PPOX: variants seen among roughly 807,000 people sequenced by gnomAD.
PPOX encodes the protein variegate porphyria.
In PPOX, 23 loss-of-function variants were observed where a neutral mutation model predicts 54.1. The observed-to-expected ratio is 0.43, with a 90% CI of 0.31 to 0.60. The LOEUF (loss-of-function observed/expected upper bound fraction) is 0.60. PPOX is among the 20% of genes least tolerant of loss of function. PPOX has a pLI of 0.13. For missense variants in PPOX, 512 were observed against 601.1 expected, an observed-to-expected ratio of 0.85 and a Z score of 1.55; for synonymous variants, 224 against 236.1, an observed-to-expected ratio of 0.95 and a Z score of 0.47.
At chr1:161,174,957 G>A (rs1198636891), downstream of PPOX, 1 of 1,598,996 alleles carries the variant, frequency 6.3e-7, no homozygotes, top group African/African-American at 1.3e-5. Flanking sequence ...TTCCTTAGAA[G>A]AAAGTCAGTC....
Position 161,170,952 on chromosome 1 carries a change from A to T in PPOX, c.1291+3A>T. 2 of 1,614,074 alleles carry T rather than the reference A, an allele frequency of 1.2e-6. No homozygotes were observed. Among genetic ancestry groups the T allele is most frequent in the Non-Finnish European group, 1.7e-6 (2 of 1,180,034 alleles). ...ACTAGGTCACTGGCAAAAACTAGGT[A>T]AGTTGGGAAAACAGCTGGGCTGAGG... On this transcript the variant is annotated splice_donor_region_variant and intron_variant, in intron 12 of 12. Transcript: ENST00000367999.
chr1:161,168,527 A>C lies in PPOX; in HGVS notation c.567A>C (p.Gln189His), dbSNP rs780092492. The C allele has an allele frequency of 1.4e-5, 22 of 1,613,984 alleles. No individual in the cohort carries two copies. The East Asian group carries it at 4.2e-4, about 31-fold the overall frequency. ...GGTCCTGCTTTCCCAGTCTCTTCCA[A>C]GCTGAGCAAACCCATCGTTCCATAT... ...SIRSCFPSLF[Q>H]AEQTHRSILL... Residue 189 changes from glutamine (Q) to histidine (H), a missense_variant, in exon 6 of 13, where the codon CAA becomes CAC. By Grantham distance (24) the Gln-to-His change is conservative. Coordinates refer to ENST00000367999, the MANE Select transcript of PPOX (RefSeq NM_001122764.3).
At chr1:161,169,760 A>C in intron 8 of PPOX, 40 bp downstream of exon 8, 2 of 1,613,632 alleles carry the variant, frequency 1.2e-6, no homozygotes, top group Non-Finnish European at 1.7e-6. Flanking sequence ...AACCCCTACC[A>C]GTGAGAAGCA....
At chr1:161,166,070 G>A, upstream of PPOX, 4 of 984,448 alleles carry the variant, frequency 4.1e-6, no homozygotes, top group Non-Finnish European at 4.8e-6. Flanking sequence ...AGCTGTTTAT[G>A]GAGCCGCCTC....
downstream of PPOX, chr1:161,177,483 C>A: frequency 5.8e-6 from 1 of 171,492 alleles, no homozygotes; most frequent in Non-Finnish European, 1.3e-5. Context: ...TCGCTGCCGC[C>A]ATCTTGGAAG....
downstream of PPOX, among the ~76,000 whole-genome samples, chr1:161,172,837 G>A (rs1277019484): frequency 1.3e-5 from 2 of 150,990 alleles, no homozygotes; most frequent in South Asian, 2.1e-4. Flanking sequence ...AGACCAGCCT[G>A]GGAAAATAAT....
At chr1:161,170,320 G>GGGGGGCCCCCC in intron 9 of PPOX, 89 bp from the exon 10 acceptor site, 2 of 494,790 alleles carry the variant, frequency 4.0e-6, no homozygotes. Flanking sequence ...GTGAGACTCT[G>GGGGGGCCCCCC]TCCCCCCCAC....
chr1:161,170,483 T>C lies in PPOX; in HGVS notation c.1062T>C (p.Pro354=), dbSNP rs771215757. Residue 354 remains proline (P), a synonymous_variant, in exon 10 of 13, where the codon CCT becomes CCC. Transcript: ENST00000367999. The part of the protein sequence containing the change: ...LGIVYDSVAF[P]EQDGSPPGLR... ...TCGTGTATGACTCAGTTGCTTTCCC[T>C]GAGCAGGACGGGAGCCCCCCTGGCC... The C allele has an allele frequency of 3.7e-6, 6 of 1,614,264 alleles. No individual in the cohort carries two copies. The highest frequency in any genetic ancestry group is 3.4e-6 in the Non-Finnish European group (4 of 1,180,052).
At chr1:161,174,896 A>T, downstream of PPOX, 1 of 1,342,662 alleles carries the variant, frequency 7.4e-7, no homozygotes, top group Non-Finnish European at 1.1e-6. Context: ...CCTTCTTAAA[A>T]TTATTCTAGG....
Position 161,171,109 on chromosome 1 carries a change from T to C in PPOX, c.1367T>C (p.Val456Ala). Residue 456 changes from valine to alanine, a missense_variant, in exon 13 of 13, where the codon GTT (valine) becomes GCT (alanine). Val to Ala is a moderately conservative substitution (Grantham distance 64). Coordinates refer to ENST00000367999, the MANE Select transcript of PPOX (RefSeq NM_001122764.3). The part of the protein sequence containing the change: ...LAGASYEGVA[V>A]NDCIESGRQA... ...GGAGCCTCCTATGAGGGAGTTGCTG[T>C]TAATGACTGTATAGAGAGTGGGCGC... 1.9e-6 allele frequency: 3 copies of C among 1,614,086 alleles called. No homozygotes were observed. The highest frequency in any genetic ancestry group is 2.5e-6 in the Non-Finnish European group (3 of 1,180,040).
chr1:161,168,425 C>T lies in PPOX; in HGVS notation c.472-7C>T, dbSNP rs1437436227. On this transcript the variant is annotated splice_region_variant and splice_polypyrimidine_tract_variant and intron_variant, in intron 5 of 12. Coordinates refer to ENST00000367999, the MANE Select transcript of PPOX (RefSeq NM_001122764.3). ...TTTCGCTCCTTAGTCCTAGTCTCAC[C>T]CTTAAGGTGGCGTCTCTAGCCATGG... The T allele has an allele frequency of 1.2e-6, 2 of 1,614,096 alleles. No homozygotes were observed. Among genetic ancestry groups the T allele is most frequent in the East Asian group, 2.2e-5 (1 of 44,882 alleles).
upstream of PPOX, among the ~76,000 whole-genome samples, chr1:161,165,914 G>A (rs1192677000): frequency 3.3e-5 from 5 of 152,112 alleles, no homozygotes; most frequent in Admixed American, 1.3e-4. Context: ...GAGGAAAAGA[G>A]GAAAGGCATA....
At chr1:161,172,959 C>G (rs1469577080), downstream of PPOX, among the ~76,000 whole-genome samples, 1 of 151,906 alleles carries the variant, frequency 6.6e-6, no homozygotes, top group Non-Finnish European at 1.5e-5. Context: ...TTCTGACACA[C>G]AGAAGCATGG....
chr1:161,177,149 G>A (rs1435394315), downstream of PPOX: 7 of 1,424,586 alleles, frequency 4.9e-6, no homozygotes, highest in Non-Finnish European at 2.8e-6. Flanking sequence ...GAGACAGTCA[G>A]GGGTGGCTGG....
chr1:161,171,776 T>C (rs374151902), downstream of PPOX: 32 of 1,607,832 alleles, frequency 2.0e-5, no homozygotes, highest in Admixed American at 8.4e-5. Context: ...TACAACCCCA[T>C]GAATTCGGTT....
downstream of PPOX, chr1:161,172,076 C>T: frequency 6.2e-7 from 1 of 1,614,094 alleles, no homozygotes; most frequent in Non-Finnish European, 8.5e-7. Flanking sequence ...TGGGTACGGA[C>T]CAGGAGGTCA....
chr1:161,169,294 T>C, intron 7 of PPOX, 111 bp downstream of exon 7: 1 of 1,312,132 alleles, frequency 7.6e-7, no homozygotes, highest in South Asian at 1.2e-5. Context: ...TTTTGTGCCT[T>C]AGAAGCTACT....
At position 161,171,116 on chromosome 1, in the gene PPOX, CTG is replaced by C; in HGVS notation, c.1376_1377del (p.Cys459TyrfsTer17). 1 of 1,613,984 alleles carries C rather than the reference CTG, an allele frequency of 6.2e-7. No homozygotes were observed. Among genetic ancestry groups the C allele is most frequent in the Non-Finnish European group, 8.5e-7 (1 of 1,180,040 alleles). On this transcript the variant is annotated frameshift_variant, in exon 13 of 13. Coordinates refer to ENST00000367999, the MANE Select transcript of PPOX (RefSeq NM_001122764.3). LOFTEE classifies it high-confidence loss of function. ...ASYEGVAVND[C>X]IESGRQAAVS... is the part of the protein sequence containing the mutation. ...CCTATGAGGGAGTTGCTGTTAATGA[CTG>C]TATAGAGAGTGGGCGCCAGGCAGCA...
intron 4 of PPOX, 136 bp downstream of exon 4, chr1:161,167,622 T>C: frequency 8.3e-7 from 1 of 1,203,272 alleles, no homozygotes; most frequent in Non-Finnish European, 1.1e-6. Context: ...TGGAGTGCAA[T>C]GGCGCGATCT....
Sources: allele counts gnomAD v4.1 joint callset (sites outside exome capture counted in the v4.1 genomes callset), GRCh38; gene constraint gnomAD v4.1.1; transcripts MANE v1.5; gene names NCBI Gene and HGNC (gene_info 2026-07-23, HGNC 2026-07-21).